KANSL3: variants seen among roughly 807,000 people sequenced by gnomAD.
The protein encoded by KANSL3 is NSL complex protein NSL3.
KANSL3 carries 16 observed loss-of-function variants against 89.2 expected under a neutral mutation model. The observed-to-expected ratio is 0.18, with a 90% CI of 0.12 to 0.27. The LOEUF (loss-of-function observed/expected upper bound fraction) is 0.27. Ranked by LOEUF, KANSL3 falls within the 10% of genes least tolerant of loss-of-function variation. KANSL3 has a pLI of 1.00. For synonymous variants in KANSL3, 385 were observed against 419.7 expected (o/e 0.92, Z 1.01); for missense variants, 879 against 1,110.6 (o/e 0.79, Z 2.96).
rs750157622 is a variant in KANSL3 at position 96,604,764 on chromosome 2, C to T, written c.2018+15G>A. On this transcript the variant is annotated intron_variant, in intron 16 of 20. Coordinates refer to ENST00000431828, the MANE Select transcript of KANSL3 (RefSeq NM_001115016.3). ...GAAAAAAGGAATAGACACAGATGGT[C>T]CAATAAACACTCACTTGGCTGTGGT... 39 of 1,576,290 alleles carry T rather than the reference C, an allele frequency of 2.5e-5. No individual in the cohort carries two copies. The South Asian group carries it at 4.1e-4, about 16-fold the overall frequency.
chr2:96,636,787 T>TAAGAGATGC, intron 2 of KANSL3, 134 bp downstream of exon 2: 1 of 743,518 alleles, frequency 1.3e-6, no homozygotes, highest in Admixed American at 3.2e-5. Context: ...TTATGCTGCT[T>TAAGAGATGC]AAGAGATGCC....
At chr2:96,611,250 C>A in intron 9 of KANSL3, 112 bp from the exon 10 acceptor site, 1 of 812,822 alleles carries the variant, frequency 1.2e-6, no homozygotes, top group African/African-American at 1.7e-5. Context: ...TCTTCCTCTC[C>A]TGTCCTAATA....
chr2:96,607,899 C>T (rs2068251163), intron 14 of KANSL3, among the ~76,000 whole-genome samples: 1 of 152,174 alleles, frequency 6.6e-6, no homozygotes, highest in African/African-American at 2.4e-5. Context: ...GGCCACCCAA[C>T]TGGATCAATG....
chr2:96,586,922 T>C, the KANSL3 span, among the ~76,000 whole-genome samples: 4 of 152,246 alleles, frequency 2.6e-5, no homozygotes, highest in Non-Finnish European at 5.9e-5. Flanking sequence ...TTAGCTATTA[T>C]ATTTTCTATA....
the KANSL3 span, among the ~76,000 whole-genome samples, chr2:96,585,789 GA>G: frequency 6.6e-6 from 1 of 152,066 alleles, no homozygotes; most frequent in South Asian, 2.1e-4. Flanking sequence ...GCCATAAAAA[GA>G]AACAAAATAA....
At chr2:96,632,799 T>C (rs2073628053) in intron 2 of KANSL3, among the ~76,000 whole-genome samples, 1 of 152,002 alleles carries the variant, frequency 6.6e-6, no homozygotes, top group Non-Finnish European at 1.5e-5. Context: ...ACCCCGTCTC[T>C]ACTAAAAATA....
At chr2:96,615,949 G>A (rs1220652703) in intron 5 of KANSL3, among the ~76,000 whole-genome samples, 1 of 152,172 alleles carries the variant, frequency 6.6e-6, no homozygotes, top group African/African-American at 2.4e-5. Context: ...ACCACCCAAT[G>A]GAGAAGAAGT....
chr2:96,616,335 C>T (rs951749847), intron 5 of KANSL3, among the ~76,000 whole-genome samples: 1 of 152,214 alleles, frequency 6.6e-6, no homozygotes, highest in Non-Finnish European at 1.5e-5. Flanking sequence ...AAAGCCTTGA[C>T]ACTTGCTTCC....
intron 20 of KANSL3, chr2:96,600,509 G>C: frequency 1.0e-6 from 1 of 985,366 alleles, no homozygotes; most frequent in Non-Finnish European, 1.2e-6. Flanking sequence ...TTTCCCTAAA[G>C]AGGAAGAGAC....
chr2:96,605,569 C>T, intron 14 of KANSL3, 58 bp from the exon 15 acceptor site: 1 of 1,361,762 alleles, frequency 7.3e-7, no homozygotes, highest in Non-Finnish European at 1.0e-6. Flanking sequence ...AACAGACACT[C>T]AGTCAATACC....
the KANSL3 span, among the ~76,000 whole-genome samples, chr2:96,583,158 T>C: frequency 6.6e-6 from 1 of 152,234 alleles, no homozygotes; most frequent in Non-Finnish European, 1.5e-5. Context: ...CAAACAAAAT[T>C]CACTGTTTTA....
chr2:96,602,938 C>T, intron 17 of KANSL3, 76 bp from the exon 18 acceptor site: 1 of 1,361,858 alleles, frequency 7.3e-7, no homozygotes, highest in Non-Finnish European at 1.0e-6. Context: ...ATCCATCCAC[C>T]CTCACCACCA....
the KANSL3 span, among the ~76,000 whole-genome samples, chr2:96,585,833 A>G: frequency 6.6e-6 from 1 of 152,238 alleles, no homozygotes; most frequent in Non-Finnish European, 1.5e-5. Flanking sequence ...GGAGCTGAAG[A>G]CCATTATTTT....
chr2:96,619,862 C>T, intron 3 of KANSL3, 100 bp from the exon 4 acceptor site: 1 of 954,338 alleles, frequency 1.0e-6, no homozygotes, highest in Non-Finnish European at 1.6e-6. Flanking sequence ...TATGTCTCTG[C>T]TAGGGAACAG....
At chr2:96,601,897 G>A in intron 19 of KANSL3, 121 bp from the exon 20 acceptor site, 1 of 1,404,916 alleles carries the variant, frequency 7.1e-7, no homozygotes, top group Non-Finnish European at 9.4e-7. Flanking sequence ...TCCCCAGCTG[G>A]GTCATCTATG....
intron 14 of KANSL3, chr2:96,606,808 A>G (rs2068050582): frequency 1.4e-5 from 5 of 355,772 alleles, no homozygotes; most frequent in South Asian, 1.1e-4. Context: ...AAGACTACAG[A>G]GTAAGCAAAA....
At position 96,602,317 on chromosome 2, in the gene KANSL3, T is replaced by C. The variant is rs375490703; in HGVS notation, c.2281A>G (p.Thr761Ala). The stretch of plus-strand genomic sequence containing the variant: ...ATGGCACCCAGGCTCTGCATGGGGG[T>C]GGGCAACTTCACACTGGTGGCCTGT... ...APQATSVKLPTPMQSLGAITT... is the reference protein window; with the variant it reads ...APQATSVKLPAPMQSLGAITT... Residue 761 changes from threonine (T) to alanine (A), a missense_variant, in exon 19 of 21, where the codon ACC (threonine) becomes GCC (alanine). Thr to Ala is a moderately conservative substitution (Grantham distance 58). This residue lies in a region of KANSL3 where 89 missense variants were observed against 139.7 expected (regional missense o/e 0.64). Coordinates refer to ENST00000431828, the MANE Select transcript of KANSL3 (RefSeq NM_001115016.3). 1 of 1,609,980 alleles carries C rather than the reference T, an allele frequency of 6.2e-7. No individual in the cohort carries two copies. The highest frequency in any genetic ancestry group is 2.2e-5 in the East Asian group (1 of 44,770).
intron 14 of KANSL3, among the ~76,000 whole-genome samples, chr2:96,607,629 A>G (rs1001335693): frequency 2.6e-5 from 4 of 152,018 alleles, no homozygotes; most frequent in South Asian, 2.1e-4. Context: ...CCTCCCATCC[A>G]CTCACACTTC....
the KANSL3 span, among the ~76,000 whole-genome samples, chr2:96,580,656 ATACTG>A: frequency 6.6e-6 from 1 of 152,208 alleles, no homozygotes; most frequent in African/African-American, 2.4e-5. Flanking sequence ...AAAATTCATT[ATACTG>A]TATAGTTTCT....
Sources: allele counts gnomAD v4.1 joint callset (sites outside exome capture counted in the v4.1 genomes callset), GRCh38; gene constraint gnomAD v4.1.1; regional missense constraint gnomAD v4.1.1; transcripts MANE v1.5; gene names NCBI Gene and HGNC (gene_info 2026-07-23, HGNC 2026-07-21).